SCLT1: variants seen among roughly 807,000 people sequenced by gnomAD.
The protein encoded by SCLT1 is sodium channel-associated protein 1.
A neutral mutation model predicts 112.8 loss-of-function variants in SCLT1; 78 were observed. The ratio of observed to expected loss-of-function variants is 0.69; its 90% CI spans 0.58 to 0.83. The LOEUF (loss-of-function observed/expected upper bound fraction) is 0.83, where lower values mean the gene tolerates loss of function less well. Ranked by LOEUF, SCLT1 falls within the 40% of genes least tolerant of loss-of-function variation. The pLI is 0.00. For synonymous variants in SCLT1, 257 were observed against 254.7 expected (o/e 1.01, Z -0.09); for missense variants, 747 against 770.4 (o/e 0.97, Z 0.36).
intron 5 of SCLT1, among the ~76,000 whole-genome samples, chr4:129,025,161 A>AAGGC (rs1483751117): frequency 1.3e-5 from 2 of 152,236 alleles, no homozygotes; most frequent in East Asian, 3.8e-4. Flanking sequence ...CCAATCTAGC[A>AAGGC]AGGCAGGCCA....
At chr4:128,874,545 A>T (rs1423304565) in intron 4 of SCLT1, 1 of 152,582 alleles carries the variant, frequency 6.6e-6, no homozygotes. Flanking sequence ...ACACAAAAAT[A>T]AAAAGCCCAC....
At position 128,981,343 on chromosome 4, in the gene SCLT1, C is replaced by G. The variant is rs189878004; in HGVS notation, c.686+10824G>C. On this transcript the variant is annotated intron_variant, in intron 9 of 20. Transcript: ENST00000281142. ...TTATTGTAAAATGAATGAAAGGCCACTAGCCACCAAGTTAGGATAAGAGGG... is the reference window on the plus strand; with the variant it reads ...TTATTGTAAAATGAATGAAAGGCCAGTAGCCACCAAGTTAGGATAAGAGGG... 4.8e-3 allele frequency among the ~76,000 whole-genome samples: 732 copies of G among 152,282 alleles called. 6 individuals carry two copies. Among genetic ancestry groups the G allele is most frequent in the African/African-American group, 0.017 (695 of 41,560 alleles).
chr4:128,969,267 T>A (rs1305872726), intron 10 of SCLT1, among the ~76,000 whole-genome samples: 2 of 152,078 alleles, frequency 1.3e-5, no homozygotes, highest in Non-Finnish European at 2.9e-5. Flanking sequence ...CTGCCAGTAT[T>A]TCTTCTTTAA....
chr4:129,076,254 C>G (rs1751453566), intron 2 of SCLT1, among the ~76,000 whole-genome samples: 2 of 152,112 alleles, frequency 1.3e-5, no homozygotes, highest in Admixed American at 1.3e-4. Flanking sequence ...GGCATGAACT[C>G]AAAATTCATT....
chr4:128,889,345 A>T (rs139370210), intron 19 of SCLT1, among the ~76,000 whole-genome samples: 6 of 152,324 alleles, frequency 3.9e-5, no homozygotes, highest in East Asian at 1.9e-4. Context: ...TCTTCATAAA[A>T]GGGGAAATTT....
At chr4:128,983,772 C>A (rs1741869477) in intron 9 of SCLT1, among the ~76,000 whole-genome samples, 1 of 152,066 alleles carries the variant, frequency 6.6e-6, no homozygotes. Flanking sequence ...CTTTTTTGCA[C>A]CACACTATCA....
chr4:129,026,190 C>T (rs1299338144), intron 5 of SCLT1, among the ~76,000 whole-genome samples: 1 of 151,700 alleles, frequency 6.6e-6, no homozygotes, highest in Non-Finnish European at 1.5e-5. Context: ...CAGCTCTGCA[C>T]CAAGCAGACC....
At chr4:129,006,999 A>T (rs1446715350) in intron 5 of SCLT1, among the ~76,000 whole-genome samples, 2 of 152,230 alleles carry the variant, frequency 1.3e-5, no homozygotes, top group East Asian at 3.8e-4. Context: ...GAGTTCTTTG[A>T]CCTGTGAGTA....
At chr4:128,988,133 C>G (rs1190054790) in intron 9 of SCLT1, among the ~76,000 whole-genome samples, 1 of 152,010 alleles carries the variant, frequency 6.6e-6, no homozygotes, top group African/African-American at 2.4e-5. Context: ...AGATATAAAA[C>G]TCACTGGCAA....
chr4:128,945,686 T>C (rs1420711105), intron 16 of SCLT1, among the ~76,000 whole-genome samples: 1 of 152,050 alleles, frequency 6.6e-6, no homozygotes, highest in Non-Finnish European at 1.5e-5. Context: ...ATACACTAAG[T>C]ACAGGTAGTA....
chr4:128,951,435 T>C lies in SCLT1; in HGVS notation c.1218+1334A>G, dbSNP rs191608786. Among the ~76,000 whole-genome samples, 60 of 152,252 alleles carry C rather than the reference T, an allele frequency of 3.9e-4. No individual in the cohort carries two copies. The East Asian group carries it at 0.012, about 29-fold the overall frequency. On this transcript the variant is annotated intron_variant, in intron 14 of 20. Transcript: ENST00000281142. Reference sequence around the variant, plus strand: ...AAACACTTTTTGCAATAAACTGAAATTGTCATTCTTTTTACTCTAAAGTGA... The same window carrying C: ...AAACACTTTTTGCAATAAACTGAAACTGTCATTCTTTTTACTCTAAAGTGA...
rs1560803121 is a variant in SCLT1, at chr4:128,888,794, A to G, written c.1909-20T>C. On this transcript the variant is annotated intron_variant, in intron 19 of 20. Coordinates refer to ENST00000281142, the MANE Select transcript of SCLT1 (RefSeq NM_144643.4). ...TTCATTCTATTAAGGGGAAATAGAAAACAAGTTAGAAATCCATATGTGACA... is the reference window on the plus strand; with the variant it reads ...TTCATTCTATTAAGGGGAAATAGAAGACAAGTTAGAAATCCATATGTGACA... 10 of 1,459,100 alleles carry G rather than the reference A, an allele frequency of 6.9e-6. No individual in the cohort carries two copies. Among genetic ancestry groups the G allele is most frequent in the African/African-American group, 1.4e-5 (1 of 71,390 alleles). The allele number at this position is 1,459,100 out of a possible 1,614,324, so 90.4% of individuals were successfully genotyped here. A position where few individuals can be genotyped will look rare whatever the true frequency, so the allele number is the denominator to read the frequency against.
chr4:129,046,217 T>C (rs768713594), intron 2 of SCLT1, among the ~76,000 whole-genome samples: 4 of 152,106 alleles, frequency 2.6e-5, no homozygotes, highest in Non-Finnish European at 1.5e-5. Flanking sequence ...TGCACAGTTC[T>C]GTGGAAACAT....
intron 18 of SCLT1, among the ~76,000 whole-genome samples, chr4:128,931,306 T>C (rs1736740478): frequency 1.3e-5 from 2 of 152,138 alleles, no homozygotes; most frequent in Non-Finnish European, 2.9e-5. Flanking sequence ...TCTGTGGGAA[T>C]AGTAATTCGA....
At position 128,978,450 on chromosome 4, in the gene SCLT1, AAC is replaced by A. The variant is rs139594310; in HGVS notation, c.687-7984_687-7983del. ...AGAAGCAAAAAACAAAACAAAACAA[AAC>A]AAAAAAACAAGCAACAAAAGTCAGA... On this transcript the variant is annotated intron_variant, in intron 9 of 20. Coordinates refer to ENST00000281142, the MANE Select transcript of SCLT1 (RefSeq NM_144643.4). Among the ~76,000 whole-genome samples the A allele has an allele frequency of 5.7e-3, 868 of 152,164 alleles. 7 individuals are homozygous for A. The highest frequency in any genetic ancestry group is 0.034 in the Middle Eastern group (10 of 292).
chr4:128,908,643 A>G (rs530146584), intron 18 of SCLT1, among the ~76,000 whole-genome samples: 1 of 152,356 alleles, frequency 6.6e-6, no homozygotes, highest in Admixed American at 6.5e-5. Context: ...TAATAAAACC[A>G]TAAATATTTA....
intron 5 of SCLT1, chr4:128,874,176 T>TG (rs1326189068): frequency 1.3e-5 from 2 of 152,630 alleles, no homozygotes; most frequent in Non-Finnish European, 2.9e-5. Context: ...AGATTTTTTT[T>TG]GCATATGAGC....
intron 2 of SCLT1, among the ~76,000 whole-genome samples, chr4:129,057,902 C>T (rs1166134289): frequency 6.6e-6 from 1 of 152,036 alleles, no homozygotes; most frequent in African/African-American, 2.4e-5. Context: ...CAGGCACCCA[C>T]CACCACGCCT....
intron 9 of SCLT1, among the ~76,000 whole-genome samples, chr4:128,987,197 T>C (rs1445882790): frequency 6.6e-6 from 1 of 152,134 alleles, no homozygotes; most frequent in Non-Finnish European, 1.5e-5. Context: ...CAATCTCTTT[T>C]GGATTCGTGG....
Sources: gnomAD v4.1 joint callset for allele counts (sites outside exome capture counted in the v4.1 genomes callset) on GRCh38, gnomAD v4.1.1 for gene constraint, MANE v1.5 for transcripts, NCBI Gene and HGNC (gene_info 2026-07-23, HGNC 2026-07-21) for gene names.